Variants in XDH observed in about 807,000 individuals in gnomAD.
XDH encodes xanthine dehydrogenase.
In XDH, 138 loss-of-function variants were observed where a neutral mutation model predicts 156.1. That is an observed-to-expected ratio of 0.88 (90% CI 0.77 to 1.02). The LOEUF (loss-of-function observed/expected upper bound fraction) is 1.02. Among genes scored for constraint, XDH ranks in the 50% least tolerant of loss-of-function variants. XDH has a pLI of 0.00. For missense variants in XDH, 1,849 were observed against 1,684.9 expected, an observed-to-expected ratio of 1.10 and a Z score of -1.71; for synonymous variants, 669 against 625.7, an observed-to-expected ratio of 1.07 and a Z score of -1.03.
chr2:31,402,357 G>C lies in XDH; in HGVS notation c.197+691C>G, dbSNP rs531092408. On this transcript the variant is annotated intron_variant, in intron 3 of 35. Coordinates refer to ENST00000379416, the MANE Select transcript of XDH (RefSeq NM_000379.4). ...ATTTCCCTGGTGGAGCTCCTGAACT[G>C]CTTCTAATGTGGAGCTGCTTGAGCT... is the stretch of plus-strand genomic sequence containing the variant. Among the ~76,000 whole-genome samples the C allele has an allele frequency of 3.3e-5, 5 of 152,150 alleles. 1 individual carries two copies. The highest frequency in any genetic ancestry group is 1.2e-4 in the African/African-American group (5 of 41,432).
chr2:31,339,667 G>A lies in XDH; in HGVS notation c.3596C>T (p.Ala1199Val), dbSNP rs982940815. ...PAIDIGQVEG[A>V]FVQGLGLFTL... Reference sequence around the variant, plus strand: ...GAAGAGGCCAAGGCCCTGGACAAATGCCCCTTCCACCTGCAGGATGGATGG... The same window carrying A: ...GAAGAGGCCAAGGCCCTGGACAAATACCCCTTCCACCTGCAGGATGGATGG... Residue 1199 changes from alanine (A) to valine (V), a missense_variant, in exon 34 of 36, where the codon GCA becomes GTA. Transcript: ENST00000379416. 10 of 1,614,002 alleles carry A rather than the reference G, an allele frequency of 6.2e-6. No homozygotes were observed. Among genetic ancestry groups the A allele is most frequent in the African/African-American group, 1.3e-5 (1 of 74,936 alleles).
chr2:31,350,262 C>G (rs1191523017), intron 24 of XDH, 39 bp from the exon 25 acceptor site: 2 of 1,602,354 alleles, frequency 1.2e-6, no homozygotes, highest in Non-Finnish European at 1.7e-6. Flanking sequence ...GAACAGTGTA[C>G]TGATTGCATT....
At chr2:31,395,620 C>T (rs1686881951) in intron 6 of XDH, among the ~76,000 whole-genome samples, 1 of 152,024 alleles carries the variant, frequency 6.6e-6, no homozygotes, top group South Asian at 2.1e-4. Context: ...CTGCATCCCC[C>T]TGGAGTTTAT....
At chr2:31,353,506 G>A (rs1223371588) in intron 24 of XDH, among the ~76,000 whole-genome samples, 1 of 152,020 alleles carries the variant, frequency 6.6e-6, no homozygotes, top group African/African-American at 2.4e-5. Flanking sequence ...GAAAAAAAAA[G>A]GCAGTCCCAG....
chr2:31,366,877 T>C lies in XDH; in HGVS notation c.2315A>G (p.Lys772Arg). ...GACCCAAAAGGCATCTACCTGGGTCTTCATGGTGTTCTGTGTAGACACAAA... is the reference window on the plus strand; with the variant it reads ...GACCCAAAAGGCATCTACCTGGGTCCTCATGGTGTTCTGTGTAGACACAAA... ...ELFVSTQNTMKTQSFVAKMLG... is the reference protein window; with the variant it reads ...ELFVSTQNTMRTQSFVAKMLG... The change falls in exon 21 of 36, where the codon AAG (lysine) becomes AGG (arginine). Residue 772 changes from lysine (K) to arginine (R), a missense_variant. Lys to Arg is a conservative substitution (Grantham distance 26). Coordinates refer to ENST00000379416, the MANE Select transcript of XDH (RefSeq NM_000379.4). 6.2e-7 allele frequency: 1 copy of C among 1,614,172 alleles called. No homozygotes were observed. The highest frequency in any genetic ancestry group is 8.5e-7 in the Non-Finnish European group (1 of 1,180,028).
At chr2:31,375,015 C>CTT (rs1157014066) in intron 15 of XDH, among the ~76,000 whole-genome samples, 1 of 111,654 alleles carries the variant, frequency 9.0e-6, no homozygotes, top group African/African-American at 4.7e-5. Flanking sequence ...TTCTTTCTTT[C>CTT]TTTCTTTCTT....
chr2:31,382,147 A>C (rs1686451808), intron 11 of XDH, among the ~76,000 whole-genome samples: 2 of 151,992 alleles, frequency 1.3e-5, no homozygotes, highest in African/African-American at 4.8e-5. Flanking sequence ...GTAACTTGGC[A>C]AAAAAAATGT....
intron 1 of XDH, among the ~76,000 whole-genome samples, chr2:31,406,488 A>C (rs1009291109): frequency 6.6e-6 from 1 of 152,234 alleles, no homozygotes; most frequent in Non-Finnish European, 1.5e-5. Flanking sequence ...TGTGCTAAAT[A>C]GATCATGAAA....
chr2:31,368,299 GA>G, intron 19 of XDH, among the ~76,000 whole-genome samples: 1 of 152,294 alleles, frequency 6.6e-6, no homozygotes, highest in Middle Eastern at 3.4e-3. Flanking sequence ...ATACCACAAG[GA>G]CCAGATGGAG....
chr2:31,373,894 T>TGG lies in XDH; in HGVS notation c.1663_1664dup (p.Ala556GlnfsTer67). On this transcript the variant is annotated frameshift_variant, in exon 16 of 36. Transcript: ENST00000379416. LOFTEE classifies it high-confidence loss of function. Reference sequence around the variant, plus strand: ...TCACTTGGAAGAGCTGGACATCGGCTGGGGGGTCTTTCTGAAACAGTAAAG... The same window carrying TGG: ...TCACTTGGAAGAGCTGGACATCGGCTGGGGGGGGTCTTTCTGAAACAGTAAAG... 6.2e-7 allele frequency: 1 copy of TGG among 1,613,904 alleles called. No individual in the cohort carries two copies. The highest frequency in any genetic ancestry group is 8.5e-7 in the Non-Finnish European group (1 of 1,179,854).
chr2:31,397,861 G>T (rs938660346), intron 5 of XDH, 132 bp from the exon 6 acceptor site: 1 of 975,540 alleles, frequency 1.0e-6, no homozygotes, highest in African/African-American at 1.6e-5. Context: ...TGTCTGGAAG[G>T]CCTCTTGGCC....
intron 6 of XDH, among the ~76,000 whole-genome samples, chr2:31,390,912 G>C (rs930625222): frequency 3.3e-5 from 5 of 152,178 alleles, no homozygotes; most frequent in African/African-American, 1.2e-4. Context: ...TACTTTACAA[G>C]ATGTGTCTTT....
At chr2:31,392,659 G>A (rs559764228) in intron 6 of XDH, among the ~76,000 whole-genome samples, 2 of 152,080 alleles carry the variant, frequency 1.3e-5, no homozygotes, top group South Asian at 2.1e-4. Context: ...TCCTGACCTC[G>A]TGATCCGCCC....
At chr2:31,409,389 A>G (rs1467095804) in intron 1 of XDH, among the ~76,000 whole-genome samples, 1 of 152,220 alleles carries the variant, frequency 6.6e-6, no homozygotes, top group East Asian at 1.9e-4. Context: ...ATATCAAAGT[A>G]TCTCATGTAC....
intron 15 of XDH, 84 bp downstream of exon 15, chr2:31,375,296 G>A (rs914294740): frequency 1.3e-6 from 2 of 1,564,200 alleles, no homozygotes; most frequent in Non-Finnish European, 1.8e-6. Context: ...GTCCAGAGGA[G>A]AGGAGCAAAT....
At chr2:31,406,626 T>A (rs1028706465) in intron 1 of XDH, among the ~76,000 whole-genome samples, 1 of 152,200 alleles carries the variant, frequency 6.6e-6, no homozygotes, top group Non-Finnish European at 1.5e-5. Context: ...CCACAGAACA[T>A]GCAGGCATTG....
At chr2:31,388,408 A>G (rs530673899) in intron 6 of XDH, 113 bp from the exon 7 acceptor site, 31 of 1,194,740 alleles carry the variant, frequency 2.6e-5, no homozygotes, top group Middle Eastern at 1.9e-4. Flanking sequence ...CTGTCCCAGC[A>G]TCAACAGCAG....
rs1558696702 is a variant in XDH at position 31,378,122 on chromosome 2, G to GAA, written c.1243-886_1243-885insTT. 2.6e-4 allele frequency among the ~76,000 whole-genome samples: 12 copies of GAA among 46,780 alleles called. 1 individual carries two copies. Among genetic ancestry groups the GAA allele is most frequent in the African/African-American group, 9.5e-4 (12 of 12,584 alleles). The allele number at this position is 46,780 out of a possible 152,430, so 30.7% of individuals were successfully genotyped here. On this transcript the variant is annotated intron_variant, in intron 13 of 35. Transcript: ENST00000379416. ...AGAAAGAAAGAAAGGAAGGAAGGAAGGAAGGAAGGAAGGAAGGAAGGAAGG... is the reference window on the plus strand; with the variant it reads ...AGAAAGAAAGAAAGGAAGGAAGGAAGAAGAAGGAAGGAAGGAAGGAAGGAAGG...
chr2:31,351,806 T>C (rs1160887082), intron 24 of XDH, among the ~76,000 whole-genome samples: 6 of 152,266 alleles, frequency 3.9e-5, no homozygotes, highest in African/African-American at 1.4e-4. Flanking sequence ...CCAGTTTTTC[T>C]CAGCAATGTG....
Sources: allele counts gnomAD v4.1 joint callset (sites outside exome capture counted in the v4.1 genomes callset), GRCh38; gene constraint gnomAD v4.1.1; transcripts MANE v1.5; gene names NCBI Gene and HGNC (gene_info 2026-07-23, HGNC 2026-07-21).